Variants in SP110 observed in about 807,000 individuals in gnomAD.
SP110 encodes interferon-induced protein 41, 30kD.
In SP110, 62 loss-of-function variants were observed where a neutral mutation model predicts 92.7. That is an observed-to-expected ratio of 0.67 (90% confidence interval 0.55 to 0.83). The LOEUF is 0.83. Among genes scored for constraint, SP110 ranks in the 40% least tolerant of loss-of-function variants. The pLI, the probability that SP110 is intolerant of heterozygous loss-of-function variation, is 0.00. For missense variants in SP110, 793 were observed against 863.9 expected, an observed-to-expected ratio of 0.92 and a Z score of 1.03; for synonymous variants, 273 against 305.3, an observed-to-expected ratio of 0.89 and a Z score of 1.10.
chr2:230,214,622 T>A (rs1409618058), intron 3 of SP110, among the ~76,000 whole-genome samples: 1 of 152,254 alleles, frequency 6.6e-6, no homozygotes, highest in Non-Finnish European at 1.5e-5. Context: ...TCCTTGTCCT[T>A]CCACCAGACC....
chr2:230,194,929 G>A (rs2042797284), intron 10 of SP110, among the ~76,000 whole-genome samples: 1 of 152,180 alleles, frequency 6.6e-6, no homozygotes, highest in Admixed American at 6.5e-5. Context: ...TAGGGGACAA[G>A]GTTGGGGCTG....
At chr2:230,215,627 GA>G (rs2045065585) in intron 2 of SP110, among the ~76,000 whole-genome samples, 1 of 152,180 alleles carries the variant, frequency 6.6e-6, no homozygotes, top group African/African-American at 2.4e-5. Context: ...TCCTTGCCTA[GA>G]GGATGGACAA....
chr2:230,172,893 G>A lies in SP110; in HGVS notation c.1657C>T (p.Pro553Ser). ...GGQLLCCGTC[P>S]RVFHEDCHIP... ...TGACAGTCCTCATGGAAGACTCGTG[G>A]ACAAGTACCGCAGCAGAGAAGTTGT... Residue 553 changes from proline to serine, a missense_variant, in exon 15 of 19, where the codon CCA becomes TCA. Pro to Ser is a moderately conservative substitution (Grantham distance 74). Coordinates refer to ENST00000258381, the MANE Select transcript of SP110 (RefSeq NM_080424.4). The A allele has an allele frequency of 6.2e-7, 1 of 1,614,130 alleles. No individual in the cohort carries two copies. Among genetic ancestry groups the A allele is most frequent in the South Asian group, 1.1e-5 (1 of 91,082 alleles).
At chr2:230,176,632 C>A (rs375995840) in intron 14 of SP110, 1 of 1,613,912 alleles carries the variant, frequency 6.2e-7, no homozygotes, top group African/African-American at 1.3e-5. Context: ...CAGGGAAAGT[C>A]TGCAACATGG....
chr2:230,171,056 A>G, intron 17 of SP110: 1 of 508,894 alleles, frequency 2.0e-6, no homozygotes, highest in Admixed American at 3.2e-5. Flanking sequence ...AGAAAGTGGT[A>G]GAGCTGAGAT....
At chr2:230,218,471 A>T (rs925743711) in intron 1 of SP110, among the ~76,000 whole-genome samples, 5 of 152,214 alleles carry the variant, frequency 3.3e-5, no homozygotes, top group African/African-American at 9.6e-5. Context: ...TATCCACAAT[A>T]TGCACAGGGG....
At position 230,168,934 on chromosome 2, in the gene SP110, TG is replaced by T; in HGVS notation, c.*189del. The T allele has an allele frequency of 1.8e-6, 1 of 544,332 alleles. No individual in the cohort carries two copies. Among genetic ancestry groups the T allele is most frequent in the Non-Finnish European group, 3.3e-6 (1 of 303,328 alleles). 33.7% of individuals were successfully genotyped at this position (544,332 alleles called of 1,614,324 possible). On this transcript the variant is annotated 3_prime_UTR_variant, in exon 19 of 19. Coordinates refer to ENST00000258381, the MANE Select transcript of SP110 (RefSeq NM_080424.4). The stretch of plus-strand genomic sequence containing the variant: ...AAGTATTAATTTTTTTTTTTTTTAG[TG>T]TAGATATAGACTTTTAAAGGTAAAA...
chr2:230,207,146 T>A (rs10167116), intron 8 of SP110, among the ~76,000 whole-genome samples: 1 of 152,110 alleles, frequency 6.6e-6, no homozygotes, highest in Non-Finnish European at 1.5e-5. Flanking sequence ...AGCAGCAAAG[T>A]TTTTTCTTTT....
rs41547617 is a variant in SP110, at chr2:230,186,154, T to C, written c.1130-11A>G. 8.5e-4 allele frequency: 1,366 copies of C among 1,613,834 alleles called. 12 individuals carry two copies. The African/African-American group carries it at 0.015, about 18-fold the overall frequency. The stretch of plus-strand genomic sequence containing the variant: ...CAGGTGAGGCTGCCCCTGGACCAAA[T>C]AGACTTGTGAATAGTTTAGTGAGCT... On this transcript the variant is annotated splice_polypyrimidine_tract_variant and intron_variant, in intron 10 of 18. Transcript: ENST00000258381.
At chr2:230,206,736 C>T (rs2043904579) in intron 8 of SP110, among the ~76,000 whole-genome samples, 1 of 150,000 alleles carries the variant, frequency 6.7e-6, no homozygotes, top group Non-Finnish European at 1.5e-5. Flanking sequence ...GTCCCGGAGA[C>T]ACAGAAATGT....
At chr2:230,175,959 T>C (rs1191634288) in intron 14 of SP110, among the ~76,000 whole-genome samples, 4 of 151,048 alleles carry the variant, frequency 2.6e-5, no homozygotes, top group African/African-American at 4.9e-5. Context: ...TTTTTTTTTT[T>C]CTGAGACAGG....
At position 230,166,975 on chromosome 2, in the gene SP110, A is replaced by C. The variant is rs2078319586; in HGVS notation, c.*2149T>G. ...ATAGTAGTTGTTCAGTCCCTGTTTC[A>C]TCACTGACTGTTGGCAGCAGGGAAG... On this transcript the variant is annotated 3_prime_UTR_variant, in exon 19 of 19. Coordinates refer to ENST00000258381, the MANE Select transcript of SP110 (RefSeq NM_080424.4). 6.6e-6 allele frequency: 1 copy of C among 152,206 alleles called. No homozygotes were observed. The highest frequency in any genetic ancestry group is 2.1e-4 in the South Asian group (1 of 4,828). 9.4% of individuals were successfully genotyped at this position (152,206 alleles called of 1,614,324 possible). A position where few individuals can be genotyped will look rare whatever the true frequency, so the allele number is the denominator to read the frequency against.
Position 230,186,015 on chromosome 2 carries a change from C to T in SP110, c.1258G>A (p.Ala420Thr). The change falls in exon 11 of 19, where the codon GCC (alanine) becomes ACC (threonine). Residue 420 changes from alanine (A) to threonine (T), a missense_variant. Coordinates refer to ENST00000258381, the MANE Select transcript of SP110 (RefSeq NM_080424.4). The part of the protein sequence containing the change: ...MRVQKARTKC[A>T]RKSRLKEKKK... ...TTACCTTTCAATCTGGACTTTCGGG[C>T]ACATTTAGTTCTTGCCTTTTGGACC... The T allele has an allele frequency of 1.2e-6, 2 of 1,614,112 alleles. No individual in the cohort carries two copies. Among genetic ancestry groups the T allele is most frequent in the Non-Finnish European group, 1.7e-6 (2 of 1,179,980 alleles).
At chr2:230,177,218 G>C in intron 14 of SP110, 1 of 407,854 alleles carries the variant, frequency 2.5e-6, no homozygotes, top group Non-Finnish European at 4.6e-6. Flanking sequence ...TAGATGTCAG[G>C]TAGAGGATGC....
chr2:230,219,815 A>T, intron 1 of SP110, 59 bp downstream of exon 1: 1 of 663,856 alleles, frequency 1.5e-6, no homozygotes, highest in South Asian at 6.7e-5. Context: ...CCGCGAAGTT[A>T]ACTCTAAGAG....
chr2:230,178,074 C>G (rs2148715556), intron 13 of SP110, 83 bp downstream of exon 13: 1 of 846,696 alleles, frequency 1.2e-6, no homozygotes, highest in African/African-American at 1.7e-5. Flanking sequence ...ATTTCCTGAT[C>G]AATTACACAC....
rs74794711 is a variant in SP110 at position 230,173,447 on chromosome 2, G to A, written c.1591-488C>T. ...CCTAAAATGTTCCACAGTGGGCATG[G>A]ATGCTATGACCCAGTAAATAACACA... On this transcript the variant is annotated intron_variant, in intron 14 of 18. Transcript: ENST00000258381. 960 of 196,084 alleles carry A rather than the reference G, an allele frequency of 4.9e-3. 6 individuals are homozygous for A. Among genetic ancestry groups the A allele is most frequent in the African/African-American group, 0.021 (914 of 43,478 alleles). The allele number at this position is 196,084 out of a possible 1,614,324, so 12.1% of individuals were successfully genotyped here. A position where few individuals can be genotyped will look rare whatever the true frequency, so the allele number is the denominator to read the frequency against.
intron 12 of SP110, among the ~76,000 whole-genome samples, chr2:230,179,331 G>A (rs2042016020): frequency 6.6e-6 from 1 of 152,036 alleles, no homozygotes; most frequent in African/African-American, 2.4e-5. Context: ...TGGGGGTGGA[G>A]GGTAGTGGGG....
In SP110 at chr2:230,192,900, CT is replaced by C. The variant is rs1485785358; in HGVS notation, c.1130-6758del. Among the ~76,000 whole-genome samples the C allele has an allele frequency of 3.3e-5, 5 of 152,180 alleles. No individual in the cohort carries two copies. The East Asian group carries it at 5.8e-4, about 18-fold the overall frequency. ...AGAGTGTAGTTTACATCTATTGTTT[CT>C]TTTTTGACTTTCTGTCTCAATGATC... On this transcript the variant is annotated intron_variant, in intron 10 of 18. Transcript: ENST00000258381.
Sources: allele counts gnomAD v4.1 joint callset (sites outside exome capture counted in the v4.1 genomes callset), GRCh38; gene constraint gnomAD v4.1.1; transcripts MANE v1.5; gene names NCBI Gene and HGNC (gene_info 2026-07-23, HGNC 2026-07-21).